The following GLIS1 variants were observed in gnomAD, a reference collection of about 807,000 sequenced individuals.
The protein encoded by GLIS1 is GLIS family zinc finger 1, also known as zinc finger protein GLIS1.
In GLIS1, 24 loss-of-function variants were observed where a neutral mutation model predicts 63.8. That is an observed-to-expected ratio of 0.38 (90% confidence interval 0.27 to 0.53). The LOEUF (loss-of-function observed/expected upper bound fraction) is 0.53. Ranked by LOEUF, GLIS1 falls within the 20% of genes least tolerant of loss-of-function variation. GLIS1 has a pLI of 0.85. For synonymous variants in GLIS1, 450 were observed against 482.5 expected (o/e 0.93, Z 0.88); for missense variants, 1,036 against 1,074.1 (o/e 0.96, Z 0.50).
chr1:53,666,590 C>T (rs1646093600), intron 2 of GLIS1, among the ~76,000 whole-genome samples: 1 of 152,214 alleles, frequency 6.6e-6, no homozygotes, highest in Non-Finnish European at 1.5e-5. Context: ...CCCATCCCCA[C>T]TCTGCCCACT....
intron 2 of GLIS1, among the ~76,000 whole-genome samples, chr1:53,655,525 CAT>C (rs1190835054): frequency 1.3e-5 from 2 of 152,192 alleles, no homozygotes; most frequent in African/African-American, 4.8e-5. Context: ...GAGTTACAAA[CAT>C]GTGCAGTGCT....
intron 2 of GLIS1, among the ~76,000 whole-genome samples, chr1:53,683,156 G>A (rs185639235): frequency 2.6e-4 from 38 of 145,790 alleles, no homozygotes; most frequent in South Asian, 6.3e-4. Context: ...ATGGAGTCTG[G>A]GGTCCCACTT....
intron 2 of GLIS1, among the ~76,000 whole-genome samples, chr1:53,623,367 T>C (rs74087928): frequency 0.019 from 2,967 of 152,274 alleles, 67 homozygotes; most frequent in African/African-American, 0.046. Context: ...ATTCTCAGCA[T>C]ACTAGAAACA....
At position 53,695,178 on chromosome 1, in the gene GLIS1, T is replaced by C. The variant is rs574850289; in HGVS notation, c.259+42628A>G. On this transcript the variant is annotated intron_variant, in intron 2 of 10. Transcript: ENST00000628545. ...GAAGAGGAAAGCCCCCAGGCTCTGC[T>C]ACTCTCAGCTGCTCTGGACTGTGCG... Among the ~76,000 whole-genome samples the C allele has an allele frequency of 5.3e-5, 8 of 152,352 alleles. No individual in the cohort carries two copies. The South Asian group carries it at 1.0e-3, about 20-fold the overall frequency.
intron 2 of GLIS1, among the ~76,000 whole-genome samples, chr1:53,712,233 G>A (rs964207942): frequency 6.6e-6 from 1 of 152,186 alleles, no homozygotes; most frequent in East Asian, 1.9e-4. Context: ...CTCAGGCTTC[G>A]ACATGCACAG....
In GLIS1 at chr1:53,731,930, T is replaced by A. The variant is rs113792105; in HGVS notation, c.259+5876A>T. On this transcript the variant is annotated intron_variant, in intron 2 of 10. Transcript: ENST00000628545. ...AGTATCAGCAGGCAGGGACTATGGATCATCCAACTGAACTGCTCTCCATTT... is the reference window on the plus strand; with the variant it reads ...AGTATCAGCAGGCAGGGACTATGGAACATCCAACTGAACTGCTCTCCATTT... Among the ~76,000 whole-genome samples the A allele has an allele frequency of 8.4e-3, 1,275 of 152,276 alleles. 21 individuals carry two copies. Among genetic ancestry groups the A allele is most frequent in the African/African-American group, 0.029 (1,201 of 41,556 alleles).
At chr1:53,617,581 C>T (rs1334307612) in intron 2 of GLIS1, among the ~76,000 whole-genome samples, 2 of 152,252 alleles carry the variant, frequency 1.3e-5, no homozygotes, top group African/African-American at 4.8e-5. Context: ...TTAGCAATGC[C>T]GCACACGGGC....
At chr1:53,699,780 C>A (rs1268779947) in intron 2 of GLIS1, among the ~76,000 whole-genome samples, 2 of 152,144 alleles carry the variant, frequency 1.3e-5, no homozygotes, top group African/African-American at 4.8e-5. Flanking sequence ...CCCACTGTGT[C>A]CTCACATGGC....
intron 2 of GLIS1, among the ~76,000 whole-genome samples, chr1:53,691,899 T>C (rs1411945110): frequency 6.6e-6 from 1 of 152,102 alleles, no homozygotes; most frequent in African/African-American, 2.4e-5. Context: ...TCTGAAAGCA[T>C]AGAGAGATGT....
intron 4 of GLIS1, among the ~76,000 whole-genome samples, chr1:53,556,567 GGT>G (rs138350610): frequency 2.2e-5 from 2 of 89,602 alleles, no homozygotes; most frequent in Non-Finnish European, 2.0e-5. Context: ...GTACTGCAGG[GGT>G]GTGTGTATGC....
Position 53,528,822 on chromosome 1 carries a change from GT to G in GLIS1, c.1482+968del, listed in dbSNP as rs1271736675. Among the ~76,000 whole-genome samples, 3 of 152,116 alleles carry G rather than the reference GT, an allele frequency of 2.0e-5. No individual in the cohort carries two copies. The East Asian group carries it at 5.8e-4, about 29-fold the overall frequency. Reference sequence around the variant, plus strand: ...AATCCCCCAGCCTCTGACCCACAGAGTTCCCCAAACACCTGCAGGAAGCATA... The same window carrying G: ...AATCCCCCAGCCTCTGACCCACAGAGTCCCCAAACACCTGCAGGAAGCATA... On this transcript the variant is annotated intron_variant, in intron 5 of 10. Transcript: ENST00000628545.
chr1:53,524,574 G>A (rs1379204967), intron 6 of GLIS1, among the ~76,000 whole-genome samples: 1 of 152,238 alleles, frequency 6.6e-6, no homozygotes, highest in Non-Finnish European at 1.5e-5. Context: ...AGCTGGGGGT[G>A]TGGAAGGAAG....
At position 53,694,265 on chromosome 1, in the gene GLIS1, G is replaced by A. The variant is rs186550376; in HGVS notation, c.259+43541C>T. Among the ~76,000 whole-genome samples, 192 of 152,232 alleles carry A rather than the reference G, an allele frequency of 1.3e-3. 1 individual carries two copies. Among genetic ancestry groups the A allele is most frequent in the African/African-American group, 4.4e-3 (184 of 41,540 alleles). On this transcript the variant is annotated intron_variant, in intron 2 of 10. Coordinates refer to ENST00000628545, the MANE Select transcript of GLIS1 (RefSeq NM_001367484.1). ...AGAAACGGCAGGGGCGCTGGGGGAG[G>A]GGTGACAAGGAGAGAAGACATCAGC...
At chr1:53,535,862 C>A (rs1353629356) in intron 4 of GLIS1, among the ~76,000 whole-genome samples, 1 of 151,998 alleles carries the variant, frequency 6.6e-6, no homozygotes, top group Non-Finnish European at 1.5e-5. Context: ...ATGTACAGAT[C>A]CTCACCCTGG....
intron 4 of GLIS1, among the ~76,000 whole-genome samples, chr1:53,550,429 G>T (rs61770267): frequency 2.6e-5 from 4 of 152,228 alleles, no homozygotes; most frequent in Non-Finnish European, 4.4e-5. Flanking sequence ...ATGACAGTGC[G>T]TAGAGCGAAC....
At chr1:53,662,485 G>C (rs148892198) in intron 2 of GLIS1, among the ~76,000 whole-genome samples, 1 of 152,270 alleles carries the variant, frequency 6.6e-6, no homozygotes, top group Non-Finnish European at 1.5e-5. Context: ...GGATGATGAT[G>C]ATGAGGGCTG....
intron 4 of GLIS1, among the ~76,000 whole-genome samples, chr1:53,533,615 G>C: frequency 6.6e-6 from 1 of 152,228 alleles, no homozygotes; most frequent in East Asian, 1.9e-4. Flanking sequence ...AGCAGACGAA[G>C]GGGCACTGCC....
intron 4 of GLIS1, among the ~76,000 whole-genome samples, chr1:53,563,971 A>G (rs1644914233): frequency 6.6e-6 from 1 of 152,222 alleles, no homozygotes; most frequent in Non-Finnish European, 1.5e-5. Context: ...AATGAGGACG[A>G]AAGAAAGAGC....
chr1:53,617,619 C>G (rs1645496446), intron 2 of GLIS1, among the ~76,000 whole-genome samples: 1 of 152,260 alleles, frequency 6.6e-6, no homozygotes, highest in Admixed American at 6.5e-5. Flanking sequence ...ATCCCATCTT[C>G]CAGCACAGTC....
Sources: gnomAD v4.1 joint callset for allele counts (sites outside exome capture counted in the v4.1 genomes callset) on GRCh38, gnomAD v4.1.1 for gene constraint, MANE v1.5 for transcripts, NCBI Gene and HGNC (gene_info 2026-07-23, HGNC 2026-07-21) for gene names.